Variants in GLDN observed in about 807,000 individuals in gnomAD.
GLDN encodes collomin.
Under a neutral mutation model 56.5 loss-of-function variants are expected in GLDN, and 47 were observed. The ratio of observed to expected loss-of-function variants is 0.83; its 90% confidence interval spans 0.66 to 1.06. The LOEUF is 1.06. Among genes scored for constraint, GLDN ranks in the 50% least tolerant of loss-of-function variants. GLDN has a pLI of 0.00. For missense variants in GLDN, 782 were observed against 714.3 expected, an observed-to-expected ratio of 1.09 and a Z score of -1.08; for synonymous variants, 332 against 278.8, an observed-to-expected ratio of 1.19 and a Z score of -1.90.
chr15:51,411,352 T>G (rs1262828514), downstream of GLDN, among the ~76,000 whole-genome samples: 1 of 152,202 alleles, frequency 6.6e-6, no homozygotes, highest in Non-Finnish European at 1.5e-5. Flanking sequence ...AAAGAAGACC[T>G]GCTATGCCAA....
At chr15:51,399,091 C>T (rs562539746) in intron 6 of GLDN, among the ~76,000 whole-genome samples, 3 of 152,316 alleles carry the variant, frequency 2.0e-5, no homozygotes, top group African/African-American at 7.2e-5. Flanking sequence ...AACTCCACAT[C>T]TTTAATACCC....
At chr15:51,355,500 C>A (rs187103664) in intron 1 of GLDN, among the ~76,000 whole-genome samples, 1 of 150,576 alleles carries the variant, frequency 6.6e-6, no homozygotes, top group Admixed American at 6.6e-5. Flanking sequence ...TTCTTTACTG[C>A]ATGCTTTTTT....
chr15:51,371,120 AC>A (rs1379418007), intron 1 of GLDN, among the ~76,000 whole-genome samples: 17 of 152,350 alleles, frequency 1.1e-4, no homozygotes, highest in African/African-American at 4.1e-4. Flanking sequence ...TTATACAAAA[AC>A]ATCTAGGGAT....
chr15:51,384,955 T>TTC (rs2037857169), intron 4 of GLDN: 1 of 152,126 alleles, frequency 6.6e-6, no homozygotes, highest in Admixed American at 6.5e-5. Context: ...TCATTAGCAA[T>TTC]TGAAGTAAGG....
At position 51,395,624 on chromosome 15, in the gene GLDN, T is replaced by A. The variant is rs187392107; in HGVS notation, c.688+643T>A. On this transcript the variant is annotated intron_variant, in intron 5 of 9. Coordinates refer to ENST00000335449, the MANE Select transcript of GLDN (RefSeq NM_181789.4). Reference sequence around the variant, plus strand: ...CTTGGGCTAGATGAGCTAACTCTCTTACGTGCAGCCCAGGGGCGGTGGACT... The same window carrying A: ...CTTGGGCTAGATGAGCTAACTCTCTAACGTGCAGCCCAGGGGCGGTGGACT... Among the ~76,000 whole-genome samples, 430 of 152,226 alleles carry A rather than the reference T, an allele frequency of 2.8e-3. 2 individuals carry two copies. Among genetic ancestry groups the A allele is most frequent in the African/African-American group, 9.9e-3 (412 of 41,536 alleles).
intron 1 of GLDN, chr15:51,360,188 C>G (rs1013316943): frequency 6.6e-6 from 1 of 152,116 alleles, no homozygotes; most frequent in Non-Finnish European, 1.5e-5. Flanking sequence ...GAGGAGCAGG[C>G]TGAACGAGAC....
At chr15:51,413,082 C>T in the GLDN span, among the ~76,000 whole-genome samples, 1 of 151,942 alleles carries the variant, frequency 6.6e-6, no homozygotes, top group Non-Finnish European at 1.5e-5. Context: ...TCTTTGTTCC[C>T]TTTTTTCTTT....
At chr15:51,388,168 CCT>C (rs1211337809) in intron 4 of GLDN, among the ~76,000 whole-genome samples, 3 of 152,150 alleles carry the variant, frequency 2.0e-5, no homozygotes, top group East Asian at 1.9e-4. Context: ...GTGTCTAGCC[CCT>C]GTCTCACCTA....
At chr15:51,355,805 G>T (rs917589036) in intron 1 of GLDN, among the ~76,000 whole-genome samples, 1 of 150,654 alleles carries the variant, frequency 6.6e-6, no homozygotes, top group Non-Finnish European at 1.5e-5. Context: ...TTACAGGCGT[G>T]AGCCACCACA....
chr15:51,375,046 T>A (rs1355509992), intron 1 of GLDN, among the ~76,000 whole-genome samples: 1 of 152,196 alleles, frequency 6.6e-6, no homozygotes, highest in Non-Finnish European at 1.5e-5. Flanking sequence ...TCTACATGTG[T>A]GATATGTATG....
intron 1 of GLDN, among the ~76,000 whole-genome samples, chr15:51,376,350 A>T (rs768258462): frequency 1.6e-4 from 25 of 152,212 alleles, no homozygotes; most frequent in Non-Finnish European, 2.9e-4. Flanking sequence ...ACCATAAAAC[A>T]ACAGTATAAA....
intron 9 of GLDN, 134 bp from the exon 10 acceptor site, chr15:51,404,143 G>A: frequency 4.3e-6 from 3 of 696,766 alleles, no homozygotes; most frequent in South Asian, 1.8e-5. Context: ...GGCATTACCT[G>A]GGAGCTTGTA....
At chr15:51,372,311 G>A (rs1343708921) in intron 1 of GLDN, among the ~76,000 whole-genome samples, 1 of 152,150 alleles carries the variant, frequency 6.6e-6, no homozygotes, top group East Asian at 1.9e-4. Context: ...GTTTTGGAAG[G>A]GACACTCAAA....
intron 1 of GLDN, among the ~76,000 whole-genome samples, chr15:51,356,484 G>C (rs1044614300): frequency 1.3e-5 from 2 of 152,118 alleles, no homozygotes; most frequent in Non-Finnish European, 2.9e-5. Flanking sequence ...AGATAAGAAA[G>C]AATATTCAGG....
At chr15:51,394,779 G>T in intron 4 of GLDN, 56 bp from the exon 5 acceptor site, 1 of 1,584,352 alleles carries the variant, frequency 6.3e-7, no homozygotes, top group Non-Finnish European at 8.7e-7. Context: ...AATATAAAGT[G>T]GTGTGCCAGA....
At chr15:51,359,239 G>T (rs1173660430) in intron 1 of GLDN, among the ~76,000 whole-genome samples, 1 of 152,170 alleles carries the variant, frequency 6.6e-6, no homozygotes, top group Non-Finnish European at 1.5e-5. Flanking sequence ...GATCAAACCG[G>T]ACCTAGGAAA....
At chr15:51,391,119 T>TC (rs1228177787) in intron 4 of GLDN, among the ~76,000 whole-genome samples, 1 of 152,186 alleles carries the variant, frequency 6.6e-6, no homozygotes, top group East Asian at 1.9e-4. Flanking sequence ...AGACAAAATG[T>TC]CCCCCAACCC....
chr15:51,354,144 AC>A (rs1238054931), intron 1 of GLDN, among the ~76,000 whole-genome samples: 3 of 152,188 alleles, frequency 2.0e-5, no homozygotes, highest in African/African-American at 7.2e-5. Flanking sequence ...CGATAGAGCA[AC>A]CCCTTCATCT....
At chr15:51,412,218 G>A (rs566737570), downstream of GLDN, among the ~76,000 whole-genome samples, 5 of 152,322 alleles carry the variant, frequency 3.3e-5, no homozygotes, top group South Asian at 1.0e-3. Flanking sequence ...GTGAAGTTGG[G>A]ATTCAAATTC....
Sources: gnomAD v4.1 joint callset for allele counts (sites outside exome capture counted in the v4.1 genomes callset) on GRCh38, gnomAD v4.1.1 for gene constraint, MANE v1.5 for transcripts, NCBI Gene and HGNC (gene_info 2026-07-23, HGNC 2026-07-21) for gene names.